The following GOLGA6L9 variants were observed in gnomAD, a reference collection of about 807,000 sequenced individuals.
GOLGA6L9 encodes golgin A6 family like 9.
GOLGA6L9 carries 19 observed loss-of-function variants against 51.3 expected under a neutral mutation model. That is an observed-to-expected ratio of 0.37 (90% CI 0.26 to 0.54). The LOEUF (loss-of-function observed/expected upper bound fraction) is 0.54. GOLGA6L9 is among the 20% of genes least tolerant of loss of function. The pLI is 0.83. For synonymous variants in GOLGA6L9, 97 were observed against 184.2 expected, an observed-to-expected ratio of 0.53 and a Z score of 3.83; for missense variants, 247 against 464.1, an observed-to-expected ratio of 0.53 and a Z score of 4.30.
rs1240888406 is a variant in GOLGA6L9, at chr15:82,436,345, A to G, written c.1233A>G (p.Ala411=). The part of the protein sequence containing the change: ...AVGTGEAAGG[A]GEAACHSFRA... The stretch of plus-strand genomic sequence containing the variant: ...GTACAGGAGAGGCGGCAGGAGGAGC[A>G]GGAGAGGCTGCATGCCATTCTTTTC... The change falls in exon 9 of 9, where the codon GCA becomes GCG. Residue 411 remains alanine, a synonymous_variant. Transcript: ENST00000618348. 12 of 1,594,958 alleles carry G rather than the reference A, an allele frequency of 7.5e-6. No individual in the cohort carries two copies. Among genetic ancestry groups the G allele is most frequent in the African/African-American group, 4.0e-5 (3 of 74,494 alleles).
chr15:82,419,698 A>C, the GOLGA6L9 span, among the ~76,000 whole-genome samples: 1 of 152,206 alleles, frequency 6.6e-6, no homozygotes, highest in Non-Finnish European at 1.5e-5. Flanking sequence ...AAAAAGGCAA[A>C]CCAGTAAAAT....
At position 82,436,612 on chromosome 15, in the gene GOLGA6L9, T is replaced by G. The variant is rs1476955003; in HGVS notation, c.*201T>G. The G allele has an allele frequency of 1.2e-3, 671 of 537,422 alleles. 14 individuals are homozygous for G. The East Asian group carries it at 0.023, about 19-fold the overall frequency. The allele number at this position is 537,422 out of a possible 1,614,324, so 33.3% of individuals were successfully genotyped here. ...TTTAAATTTATTTGTGTTTCTAATTTATAGTTTAAATTTATTTTTGTTTCT... is the reference window on the plus strand; with the variant it reads ...TTTAAATTTATTTGTGTTTCTAATTGATAGTTTAAATTTATTTTTGTTTCT... On this transcript the variant is annotated 3_prime_UTR_variant, in exon 9 of 9. Coordinates refer to ENST00000618348, the MANE Select transcript of GOLGA6L9 (RefSeq NM_198181.4).
Position 82,434,040 on chromosome 15 carries a change from C to G in GOLGA6L9, c.440C>G (p.Pro147Arg), listed in dbSNP as rs1203351204. ...LFKLKNQTAE[P>R]LAPQPPAGPS... Reference sequence around the variant, plus strand: ...TCTCTGCTTGCTTTCTCAGCTGAACCCCTGGCCCCACAGCCCCCAGCAGGG... The same window carrying G: ...TCTCTGCTTGCTTTCTCAGCTGAACGCCTGGCCCCACAGCCCCCAGCAGGG... Residue 147 changes from proline to arginine, a missense_variant, in exon 6 of 9, where the codon CCC becomes CGC. Physicochemically the swap from Pro to Arg is moderately radical, Grantham distance 103. Coordinates refer to ENST00000618348, the MANE Select transcript of GOLGA6L9 (RefSeq NM_198181.4). The G allele has an allele frequency of 2.6e-6, 4 of 1,531,974 alleles. No individual in the cohort carries two copies. Among genetic ancestry groups the G allele is most frequent in the Non-Finnish European group, 3.5e-6 (4 of 1,153,308 alleles). The allele number at this position is 1,531,974 out of a possible 1,614,324, so 94.9% of individuals were successfully genotyped here. A position where few individuals can be genotyped will look rare whatever the true frequency, so the allele number is the denominator to read the frequency against.
At chr15:82,425,848 G>A (rs1324550959), upstream of GOLGA6L9, among the ~76,000 whole-genome samples, 166 of 148,036 alleles carry the variant, frequency 1.1e-3, 3 homozygotes, top group Middle Eastern at 3.4e-3. Context: ...TGTGTTGAGA[G>A]AGAAGAGTAG....
Position 82,436,507 on chromosome 15 carries a change from T to C in GOLGA6L9, c.*96T>C, listed in dbSNP as rs1372493947. On this transcript the variant is annotated 3_prime_UTR_variant, in exon 9 of 9. Coordinates refer to ENST00000618348, the MANE Select transcript of GOLGA6L9 (RefSeq NM_198181.4). ...TTCATTTGAATGTTAGAGCCACTTA[T>C]GTTTGTGTTTCTAATTTATAGTTTA... 20 of 1,504,408 alleles carry C rather than the reference T, an allele frequency of 1.3e-5. 1 individual carries two copies. Among genetic ancestry groups the C allele is most frequent in the African/African-American group, 5.6e-5 (4 of 71,274 alleles). The allele number at this position is 1,504,408 out of a possible 1,614,324, so 93.2% of individuals were successfully genotyped here.
At chr15:82,416,433 G>C in the GOLGA6L9 span, among the ~76,000 whole-genome samples, 2 of 152,166 alleles carry the variant, frequency 1.3e-5, no homozygotes, top group African/African-American at 4.8e-5. Context: ...TAAATCTGGT[G>C]ACAGCAGAAG....
At chr15:82,416,125 G>C in the GOLGA6L9 span, 4 of 152,286 alleles carry the variant, frequency 2.6e-5, no homozygotes, top group African/African-American at 9.6e-5. Flanking sequence ...TTGGTCAGCT[G>C]GTGGAGGTTG....
At chr15:82,429,415 G>C (rs1168734978), upstream of GOLGA6L9, among the ~76,000 whole-genome samples, 1 of 151,494 alleles carries the variant, frequency 6.6e-6, no homozygotes, top group African/African-American at 2.4e-5. Context: ...CATGTTTCTT[G>C]TTTTTAAAAG....
the GOLGA6L9 span, among the ~76,000 whole-genome samples, chr15:82,416,872 C>T: frequency 5.3e-5 from 8 of 152,100 alleles, no homozygotes; most frequent in African/African-American, 1.9e-4. Context: ...TATGATAAGT[C>T]TCACTCTTTG....
chr15:82,424,397 A>C, the GOLGA6L9 span, among the ~76,000 whole-genome samples: 1 of 152,168 alleles, frequency 6.6e-6, no homozygotes, highest in African/African-American at 2.4e-5. Flanking sequence ...TTTAAGGGTA[A>C]GTAGAAATTT....
In GOLGA6L9 at chr15:82,434,609, T is replaced by C; in HGVS notation, c.1002+7T>C. 1.3e-6 allele frequency: 2 copies of C among 1,525,184 alleles called. No individual in the cohort carries two copies. Among genetic ancestry groups the C allele is most frequent in the South Asian group, 1.2e-5 (1 of 84,102 alleles). 94.5% of individuals were successfully genotyped at this position (1,525,184 alleles called of 1,614,324 possible). ...CAGCGGCTTCGAGGAGCTGGTGCGT[T>C]GCCCCACCTGGGGAGGCTGCCCTCT... On this transcript the variant is annotated splice_region_variant and intron_variant, in intron 6 of 8. Coordinates refer to ENST00000618348, the MANE Select transcript of GOLGA6L9 (RefSeq NM_198181.4).
chr15:82,435,324 C>A, intron 7 of GOLGA6L9: 1 of 314,930 alleles, frequency 3.2e-6, no homozygotes, highest in East Asian at 9.4e-5. Context: ...GGTGAAAGCT[C>A]ATCTCTACTA....
rs2031788755 is a variant in GOLGA6L9, at chr15:82,438,340, T to C, written c.*1929T>C. On this transcript the variant is annotated 3_prime_UTR_variant, in exon 9 of 9. Coordinates refer to ENST00000618348, the MANE Select transcript of GOLGA6L9 (RefSeq NM_198181.4). Reference sequence around the variant, plus strand: ...TTAAGCTGAATGTCAGTCTGAAAAATAAATGTACTATATTAACTCAAATAC... The same window carrying C: ...TTAAGCTGAATGTCAGTCTGAAAAACAAATGTACTATATTAACTCAAATAC... 1 of 150,868 alleles carries C rather than the reference T, an allele frequency of 6.6e-6. No individual in the cohort carries two copies. The highest frequency in any genetic ancestry group is 1.5e-5 in the Non-Finnish European group (1 of 67,648). 9.3% of individuals were successfully genotyped at this position (150,868 alleles called of 1,614,324 possible).
chr15:82,436,548 C>G lies in GOLGA6L9; in HGVS notation c.*137C>G, dbSNP rs1486961294. ...TTATAGTTTAAATTTATTTGTGTTT[C>G]TAATTTATAGTTTAAATTTATTTGT... On this transcript the variant is annotated 3_prime_UTR_variant, in exon 9 of 9. Transcript: ENST00000618348. The G allele has an allele frequency of 1.8e-5, 21 of 1,145,870 alleles. No individual in the cohort carries two copies. The highest frequency in any genetic ancestry group is 3.3e-5 in the South Asian group (2 of 60,540). The allele number at this position is 1,145,870 out of a possible 1,614,324, so 71.0% of individuals were successfully genotyped here.
chr15:82,433,124 C>T (rs2031484209), intron 4 of GOLGA6L9, among the ~76,000 whole-genome samples: 1 of 151,384 alleles, frequency 6.6e-6, no homozygotes, highest in South Asian at 2.1e-4. Context: ...CTGCTCTAGT[C>T]CTTGCCACAC....
the GOLGA6L9 span, among the ~76,000 whole-genome samples, chr15:82,418,308 A>G: frequency 9.2e-5 from 14 of 152,294 alleles, no homozygotes; most frequent in Admixed American, 3.9e-4. Flanking sequence ...CTGGGGGGAA[A>G]TACAGCATTT....
rs2031553080 is a variant in GOLGA6L9 at position 82,434,222 on chromosome 15, C to A, written c.622C>A (p.Leu208Ile). 3 of 1,561,524 alleles carry A rather than the reference C, an allele frequency of 1.9e-6. No individual in the cohort carries two copies. Among genetic ancestry groups the A allele is most frequent in the Non-Finnish European group, 2.6e-6 (3 of 1,160,828 alleles). ...EERLREQEER[L>I]REQEERLCEQ... The stretch of plus-strand genomic sequence containing the variant: ...GAGGCTACGTGAACAGGAGGAGAGG[C>A]TACGTGAACAGGAGGAGAGGCTGTG... The change falls in exon 6 of 9, where the codon CTA (leucine) becomes ATA (isoleucine). Residue 208 changes from leucine (L) to isoleucine (I), a missense_variant. Coordinates refer to ENST00000618348, the MANE Select transcript of GOLGA6L9 (RefSeq NM_198181.4).
At chr15:82,430,229 C>G in intron 1 of GOLGA6L9, 66 bp downstream of exon 1, 1 of 494,844 alleles carries the variant, frequency 2.0e-6, no homozygotes, top group Non-Finnish European at 3.4e-6. Context: ...AGACCGGTGC[C>G]AGAGTCCATA....
chr15:82,417,087 T>A, the GOLGA6L9 span, among the ~76,000 whole-genome samples: 40 of 152,322 alleles, frequency 2.6e-4, no homozygotes, highest in African/African-American at 7.7e-4. Context: ...ACATTTCATA[T>A]AAATAGAATC....
Sources: allele counts gnomAD v4.1 joint callset (sites outside exome capture counted in the v4.1 genomes callset), GRCh38; gene constraint gnomAD v4.1.1; transcripts MANE v1.5; gene names NCBI Gene and HGNC (gene_info 2026-07-23, HGNC 2026-07-21).